RELN: variants seen among roughly 807,000 people sequenced by gnomAD.
RELN encodes reelin.
Under a neutral mutation model 427.6 loss-of-function variants are expected in RELN, and 108 were observed. The ratio of observed to expected loss-of-function variants is 0.25; its 90% CI spans 0.22 to 0.30. The LOEUF is 0.30. RELN is among the 10% of genes least tolerant of loss of function. The probability of loss-of-function intolerance (pLI) is 1.00; values close to 1 mark genes in which losing one functional copy is unlikely to be tolerated. For synonymous variants in RELN, 1,524 were observed against 1,513.4 expected (o/e 1.01, Z -0.16); for missense variants, 3,715 against 4,302.8 (o/e 0.86, Z 3.82).
At chr7:103,593,578 T>C in intron 27 of RELN, 104 bp downstream of exon 27, 1 of 1,004,822 alleles carries the variant, frequency 1.0e-6, no homozygotes, top group Non-Finnish European at 1.6e-6. Flanking sequence ...AGTCCCTTCT[T>C]TAATAGAATA....
chr7:103,960,177 A>C (rs2116787665), intron 1 of RELN, among the ~76,000 whole-genome samples: 1 of 152,242 alleles, frequency 6.6e-6, no homozygotes, highest in African/African-American at 2.4e-5. Flanking sequence ...ATCCTTTCAA[A>C]AGCTCATGAG....
At chr7:103,687,564 T>C (rs1048628130) in intron 10 of RELN, among the ~76,000 whole-genome samples, 3 of 152,164 alleles carry the variant, frequency 2.0e-5, no homozygotes, top group Non-Finnish European at 1.5e-5. Flanking sequence ...TCCTGATTTT[T>C]TTCCCCATCT....
intron 11 of RELN, among the ~76,000 whole-genome samples, chr7:103,673,912 T>TCTC (rs565229502): frequency 0.6 from 90,994 of 151,194 alleles, 27,606 homozygotes; most frequent in South Asian, 0.67. Context: ...ACTATACCTT[T>TCTC]CTCCTCCTCT....
intron 12 of RELN, among the ~76,000 whole-genome samples, chr7:103,655,408 G>A (rs770841783): frequency 1.3e-5 from 2 of 151,968 alleles, no homozygotes; most frequent in African/African-American, 2.4e-5. Context: ...GGCAATTGCT[G>A]TTGCTAATAC....
intron 4 of RELN, among the ~76,000 whole-genome samples, chr7:103,773,108 C>CTTTCT (rs1338221470): frequency 2.8e-5 from 1 of 36,208 alleles, no homozygotes; most frequent in Non-Finnish European, 6.8e-5. Flanking sequence ...TCTTTTCTTT[C>CTTTCT]TTTCTTTCTT....
rs888215188 is a variant in RELN, at chr7:103,716,894, G to A, written c.805+6246C>T. On this transcript the variant is annotated intron_variant, in intron 8 of 64. Transcript: ENST00000428762. ...GGATGAGTTTTCATGGAGGAGTGGT[G>A]TTTGAGAGACCATTTGGTCTACATC... Among the ~76,000 whole-genome samples the A allele has an allele frequency of 4.6e-5, 7 of 152,128 alleles. No homozygotes were observed. In the East Asian group the frequency reaches 1.2e-3, roughly 25 times the overall value.
chr7:103,973,605 G>A (rs893540630), intron 1 of RELN, among the ~76,000 whole-genome samples: 11 of 151,818 alleles, frequency 7.2e-5, no homozygotes, highest in African/African-American at 1.7e-4. Flanking sequence ...TGATCATAAC[G>A]TTTATAACAC....
At chr7:103,493,850 T>C (rs1828744717) in intron 57 of RELN, among the ~76,000 whole-genome samples, 1 of 152,116 alleles carries the variant, frequency 6.6e-6, no homozygotes, top group Non-Finnish European at 1.5e-5. Context: ...GTACGGTAAG[T>C]CTCTGCTGAC....
intron 19 of RELN, among the ~76,000 whole-genome samples, chr7:103,632,560 G>T (rs1409119095): frequency 1.3e-5 from 2 of 152,120 alleles, no homozygotes; most frequent in Non-Finnish European, 2.9e-5. Flanking sequence ...TGGGTGTAGG[G>T]GGAGTTCCTA....
rs866552812 is a variant in RELN, at chr7:103,490,782, G to A, written c.9491C>T (p.Ser3164Phe). The stretch of plus-strand genomic sequence containing the variant: ...GAAAGGGGAGCAGCCAATGCTGTTA[G>A]AAGAGGAAGGAAGGCACTGGGTCTG... ...LVQTQCLPSS[S>F]NSIGCSPFQF... The change falls in exon 59 of 65, where the codon TCT becomes TTT. Residue 3164 changes from serine to phenylalanine, a missense_variant. Coordinates refer to ENST00000428762, the MANE Select transcript of RELN (RefSeq NM_005045.4). 1 of 1,614,222 alleles carries A rather than the reference G, an allele frequency of 6.2e-7. No homozygotes were observed. Among genetic ancestry groups the A allele is most frequent in the Non-Finnish European group, 8.5e-7 (1 of 1,180,048 alleles).
intron 1 of RELN, among the ~76,000 whole-genome samples, chr7:103,961,910 C>G (rs1490877819): frequency 1.3e-5 from 2 of 152,120 alleles, no homozygotes; most frequent in African/African-American, 4.8e-5. Flanking sequence ...GTTTTCCAAA[C>G]TCCATTGGAA....
chr7:103,989,435 GC>G lies in RELN; in HGVS notation c.-80del. 1 of 1,229,088 alleles carries G rather than the reference GC, an allele frequency of 8.1e-7. No homozygotes were observed. The highest frequency in any genetic ancestry group is 1.1e-6 in the Non-Finnish European group (1 of 948,800). 76.1% of individuals were successfully genotyped at this position (1,229,088 alleles called of 1,614,324 possible). A position where few individuals can be genotyped will look rare whatever the true frequency, so the allele number is the denominator to read the frequency against. ...GTTTTGGAGACGCCGGGACGGAGGA[GC>G]CACGCGGAGAGAAGGCGAGAAGAAG... On this transcript the variant is annotated 5_prime_UTR_variant, in exon 1 of 65. Coordinates refer to ENST00000428762, the MANE Select transcript of RELN (RefSeq NM_005045.4). The surrounding 1 kb of genome is among the most constrained non-coding windows in gnomAD (Gnocchi z 4.9).
rs763043124 is a variant in RELN at position 103,566,704 on chromosome 7, C to T, written c.4644G>A (p.Glu1548=). The T allele has an allele frequency of 1.1e-5, 18 of 1,614,018 alleles. No homozygotes were observed. The highest frequency in any genetic ancestry group is 1.4e-5 in the Non-Finnish European group (17 of 1,179,978). Residue 1548 remains glutamate, a synonymous_variant, in exon 32 of 65, where the codon GAG becomes GAA. Coordinates refer to ENST00000428762, the MANE Select transcript of RELN (RefSeq NM_005045.4). ...DNGILWHLLR[E]LDFMSFLEPQ... is the part of the protein sequence containing the mutation. ...GTTCCAGGAAGGACATGAAGTCCAA[C>T]TCTCGAAGCAAATGCCAGAGTATCC...
At chr7:103,722,205 C>T (rs1790094777) in intron 8 of RELN, among the ~76,000 whole-genome samples, 1 of 152,166 alleles carries the variant, frequency 6.6e-6, no homozygotes, top group Middle Eastern at 3.2e-3. Flanking sequence ...GTGACAAATA[C>T]ATGACTTAAA....
At chr7:103,660,381 G>A (rs1833112940) in intron 12 of RELN, among the ~76,000 whole-genome samples, 4 of 152,108 alleles carry the variant, frequency 2.6e-5, no homozygotes, top group Non-Finnish European at 4.4e-5. Context: ...CCTTAAATGT[G>A]AGACTATATT....
At position 103,640,665 on chromosome 7, in the gene RELN, A is replaced by G; in HGVS notation, c.2003-56T>C. The G allele has an allele frequency of 6.4e-7, 1 of 1,573,894 alleles. No homozygotes were observed. Among genetic ancestry groups the G allele is most frequent in the African/African-American group, 1.3e-5 (1 of 74,140 alleles). ...AAAAACATAGAACACTACCAGTACA[A>G]TTTTGTGAAGTAATACTCATGAAAT... On this transcript the variant is annotated intron_variant, in intron 16 of 64. Transcript: ENST00000428762. The surrounding 1 kb of genome is among the most constrained non-coding windows in gnomAD (Gnocchi z 4.1).
chr7:103,536,147 C>G (rs1830045758), intron 45 of RELN, among the ~76,000 whole-genome samples: 4 of 152,028 alleles, frequency 2.6e-5, no homozygotes. Flanking sequence ...ATATCTTGCT[C>G]TGCTGTGTTA....
At chr7:103,920,108 T>C (rs1427023614) in intron 1 of RELN, among the ~76,000 whole-genome samples, 1 of 152,118 alleles carries the variant, frequency 6.6e-6, no homozygotes, top group Non-Finnish European at 1.5e-5. Flanking sequence ...TAATTCCCAC[T>C]ACAGACATTT....
intron 8 of RELN, 81 bp downstream of exon 8, chr7:103,723,059 G>A: frequency 1.2e-6 from 1 of 831,326 alleles, no homozygotes; most frequent in Non-Finnish European, 2.1e-6. Context: ...AAAAGCATCT[G>A]GCATTATAAT....
Sources: allele counts gnomAD v4.1 joint callset (sites outside exome capture counted in the v4.1 genomes callset), GRCh38; gene constraint gnomAD v4.1.1; non-coding constraint Gnocchi (gnomAD v3.1); transcripts MANE v1.5; gene names NCBI Gene and HGNC (gene_info 2026-07-23, HGNC 2026-07-21).